The following MAGI2 variants were observed in gnomAD, a reference collection of about 807,000 sequenced individuals.
MAGI2 encodes the protein membrane associated guanylate kinase, WW and PDZ domain containing 2, also known as membrane-associated guanylate kinase, WW and PDZ domain-containing protein 2.
In MAGI2, 35 loss-of-function variants were observed where a neutral mutation model predicts 133.3. The observed-to-expected ratio is 0.26, with a 90% CI of 0.20 to 0.35. The LOEUF (loss-of-function observed/expected upper bound fraction) is 0.35. MAGI2 is among the 10% of genes least tolerant of loss of function. The pLI is 1.00. For synonymous variants in MAGI2, 729 were observed against 710.6 expected (o/e 1.03, Z -0.41); for missense variants, 1,636 against 1,863.4 (o/e 0.88, Z 2.25).
At chr7:78,024,380 C>T (rs1348710544) in intron 21 of MAGI2, among the ~76,000 whole-genome samples, 3 of 152,182 alleles carry the variant, frequency 2.0e-5, no homozygotes, top group Non-Finnish European at 4.4e-5. Context: ...TCTGCCTTCT[C>T]GATGTCCACT....
chr7:78,856,956 G>A (rs768997699), intron 2 of MAGI2, among the ~76,000 whole-genome samples: 1 of 152,154 alleles, frequency 6.6e-6, no homozygotes, highest in African/African-American at 2.4e-5. Context: ...TCTCCTTGAA[G>A]AGGTCCTTCA....
intron 1 of MAGI2, among the ~76,000 whole-genome samples, chr7:79,313,318 G>T (rs1252960821): frequency 6.6e-6 from 1 of 152,074 alleles, no homozygotes; most frequent in Non-Finnish European, 1.5e-5. Flanking sequence ...AATTAGGGCT[G>T]GGCCCATATC....
chr7:78,829,955 T>G (rs978586096), intron 2 of MAGI2, among the ~76,000 whole-genome samples: 3 of 152,214 alleles, frequency 2.0e-5, no homozygotes, highest in African/African-American at 7.2e-5. Flanking sequence ...ATTTGGTGTT[T>G]GTTAGAAAGT....
Position 78,773,518 on chromosome 7 carries a change from A to C in MAGI2, c.419-146279T>G, listed in dbSNP as rs369761300. Among the ~76,000 whole-genome samples the C allele has an allele frequency of 6.6e-5, 10 of 152,338 alleles. No individual in the cohort carries two copies. In the East Asian group the frequency reaches 1.7e-3, roughly 26 times the overall value. On this transcript the variant is annotated intron_variant, in intron 2 of 21. Transcript: ENST00000354212. ...CTTCTTTTGTGCTAGGCACCATACT[A>C]AGCACTGAGGGGTACAAGAAAAAGA...
In MAGI2 at chr7:78,573,284, T is replaced by TTTATATATAAATATATATATATTTA. The variant is rs1563188898; in HGVS notation, c.539-51640_539-51639insTAAATATATATATATTTATATATAA. 4.1e-4 allele frequency among the ~76,000 whole-genome samples: 11 copies of TTTATATATAAATATATATATATTTA among 26,864 alleles called. 1 individual carries two copies. The highest frequency in any genetic ancestry group is 3.3e-3 in the South Asian group (3 of 916). 17.6% of individuals were successfully genotyped at this position (26,864 alleles called of 152,430 possible). A position where few individuals can be genotyped will look rare whatever the true frequency, so the allele number is the denominator to read the frequency against. ...TATAAATATATATAAATATATATAT[T>TTTATATATAAATATATATATATTTA]TATATAAATATATATATTTATATAT... On this transcript the variant is annotated intron_variant, in intron 3 of 21. Transcript: ENST00000354212.
intron 21 of MAGI2, among the ~76,000 whole-genome samples, chr7:78,077,855 G>C (rs1158231345): frequency 6.8e-6 from 1 of 147,626 alleles, no homozygotes; most frequent in Non-Finnish European, 1.5e-5. Context: ...TCAGCCTCCC[G>C]AGTACATGGG....
chr7:79,020,901 G>A (rs578063489), intron 1 of MAGI2, among the ~76,000 whole-genome samples: 1 of 152,328 alleles, frequency 6.6e-6, no homozygotes, highest in African/African-American at 2.4e-5. Context: ...GGCCTAGGAG[G>A]AAAAATGGTT....
chr7:78,223,793 A>C (rs1026945269), intron 10 of MAGI2, among the ~76,000 whole-genome samples: 2 of 152,144 alleles, frequency 1.3e-5, no homozygotes, highest in Admixed American at 1.3e-4. Flanking sequence ...CCCAGAAGAG[A>C]ATTTATGCAT....
chr7:79,310,366 T>C (rs1246162289), intron 1 of MAGI2, among the ~76,000 whole-genome samples: 1 of 151,380 alleles, frequency 6.6e-6, no homozygotes, highest in Non-Finnish European at 1.5e-5. Context: ...GAAAGGGAAG[T>C]GGTGTTCAAA....
In MAGI2 at chr7:79,445,196, T is replaced by C. The variant is rs576812095; in HGVS notation, c.301+7824A>G. On this transcript the variant is annotated intron_variant, in intron 1 of 21. Transcript: ENST00000354212. ...GGATTAAAGACTTAAATGTTAGACC[T>C]AAAACCATAAAAACCCTAGAAGAAA... 1.9e-4 allele frequency among the ~76,000 whole-genome samples: 29 copies of C among 152,222 alleles called. No homozygotes were observed. The East Asian group carries it at 5.4e-3, about 28-fold the overall frequency.
At chr7:79,119,030 CA>C (rs1472238273) in intron 1 of MAGI2, among the ~76,000 whole-genome samples, 34 of 152,180 alleles carry the variant, frequency 2.2e-4, no homozygotes, top group African/African-American at 7.7e-4. Flanking sequence ...TTCAAGTGGT[CA>C]CAGAGTTTCA....
At chr7:78,565,767 G>A (rs915009063) in intron 3 of MAGI2, among the ~76,000 whole-genome samples, 2 of 152,114 alleles carry the variant, frequency 1.3e-5, no homozygotes, top group African/African-American at 4.8e-5. Flanking sequence ...TGACAAAGAA[G>A]CATCATTTAG....
chr7:78,968,427 GT>G lies in MAGI2; in HGVS notation c.418+38662del, dbSNP rs201480375. On this transcript the variant is annotated intron_variant, in intron 2 of 21. Transcript: ENST00000354212. ...ATGTCTTCTTCAATTTTTGTCATCA[GT>G]TTTTTTTTTTTGGTCTTAATGTACA... is the stretch of plus-strand genomic sequence containing the variant. 6.7e-3 allele frequency among the ~76,000 whole-genome samples: 955 copies of G among 142,580 alleles called. 6 individuals carry two copies. Among genetic ancestry groups the G allele is most frequent in the African/African-American group, 0.018 (712 of 39,618 alleles). 93.5% of individuals were successfully genotyped at this position (142,580 alleles called of 152,430 possible).
At chr7:78,343,742 T>C in intron 9 of MAGI2, 36 bp downstream of exon 9, 2 of 1,404,602 alleles carry the variant, frequency 1.4e-6, no homozygotes, top group Non-Finnish European at 1.9e-6. Flanking sequence ...AAAAAAGATG[T>C]TGCAAAACAA....
intron 2 of MAGI2, among the ~76,000 whole-genome samples, chr7:78,722,299 G>A (rs544589404): frequency 7.2e-5 from 11 of 151,892 alleles, no homozygotes; most frequent in Admixed American, 2.0e-4. Flanking sequence ...GTGAGAAGGC[G>A]ATATATCTAA....
chr7:78,378,685 A>T (rs1988400), intron 6 of MAGI2, among the ~76,000 whole-genome samples: 124,376 of 151,956 alleles, frequency 0.82, 51,014 homozygotes, highest in Admixed American at 0.85. Flanking sequence ...TAAACAGTTT[A>T]TTCTACCCAA....
chr7:78,744,428 T>A (rs1373665874), intron 2 of MAGI2, among the ~76,000 whole-genome samples: 4 of 152,234 alleles, frequency 2.6e-5, no homozygotes, highest in African/African-American at 9.6e-5. Flanking sequence ...TTGCAAATTT[T>A]CTTATTAATC....
At chr7:78,336,930 T>C (rs1302279614) in intron 9 of MAGI2, among the ~76,000 whole-genome samples, 1 of 152,160 alleles carries the variant, frequency 6.6e-6, no homozygotes, top group East Asian at 1.9e-4. Flanking sequence ...ATGAGTTACT[T>C]CTAATTCAAC....
At chr7:78,157,701 C>CA (rs1165383001) in intron 16 of MAGI2, among the ~76,000 whole-genome samples, 1 of 152,164 alleles carries the variant, frequency 6.6e-6, no homozygotes, top group Non-Finnish European at 1.5e-5. Context: ...GGAATGGCTG[C>CA]AAAATCTCTC....
Sources: allele counts gnomAD v4.1 joint callset (sites outside exome capture counted in the v4.1 genomes callset), GRCh38; gene constraint gnomAD v4.1.1; transcripts MANE v1.5; gene names NCBI Gene and HGNC (gene_info 2026-07-23, HGNC 2026-07-21).